Variants in PCDHA2 observed in about 807,000 individuals in gnomAD.
PCDHA2 encodes the protein protocadherin alpha-2.
In PCDHA2, 58 loss-of-function variants were observed where a neutral mutation model predicts 66.0. That is an observed-to-expected ratio of 0.88 (90% CI 0.71 to 1.09). The LOEUF (loss-of-function observed/expected upper bound fraction) is 1.09, where lower values mean the gene tolerates loss of function less well. Ranked by LOEUF, PCDHA2 falls within the 50% of genes least tolerant of loss-of-function variation. PCDHA2 has a pLI of 0.00. For synonymous variants in PCDHA2, 634 were observed against 554.0 expected (o/e 1.14, Z -2.03); for missense variants, 1,267 against 1,242.3 (o/e 1.02, Z -0.30).
chr5:140,939,182 C>T (rs2092333864), intron 1 of PCDHA2, among the ~76,000 whole-genome samples: 1 of 152,146 alleles, frequency 6.6e-6, no homozygotes, highest in African/African-American at 2.4e-5. Context: ...GGCCCACTCC[C>T]TGGTTCATAA....
At chr5:140,927,564 G>T (rs868927450) in intron 1 of PCDHA2, 1 of 1,614,150 alleles carries the variant, frequency 6.2e-7, no homozygotes. Context: ...TCATTGTGGT[G>T]GACACAAATG....
chr5:140,884,423 AC>A, intron 1 of PCDHA2: 3 of 1,613,932 alleles, frequency 1.9e-6, no homozygotes, highest in Non-Finnish European at 2.5e-6. Flanking sequence ...GCTGCTGTAT[AC>A]TGCGCTGCGG....
intron 1 of PCDHA2, chr5:140,834,122 A>T: frequency 2.3e-6 from 1 of 435,094 alleles, no homozygotes. Flanking sequence ...TTGAAATAAA[A>T]CTTTTCATCT....
intron 1 of PCDHA2, chr5:140,804,746 T>A: frequency 4.7e-6 from 1 of 213,384 alleles, no homozygotes; most frequent in Non-Finnish European, 9.2e-6. Context: ...TATTTGGTTA[T>A]CTCCTCTAGC....
intron 1 of PCDHA2, chr5:140,822,462 C>T (rs1325678435): frequency 1.2e-6 from 2 of 1,613,398 alleles, no homozygotes; most frequent in East Asian, 2.2e-5. Flanking sequence ...AGTTGTTGAT[C>T]AATGTATTGG....
intron 1 of PCDHA2, chr5:140,856,935 A>C: frequency 6.3e-7 from 1 of 1,594,236 alleles, no homozygotes; most frequent in South Asian, 1.1e-5. Flanking sequence ...TGGATAAACG[A>C]AAGGACGGGA....
At chr5:140,803,013 T>G in intron 1 of PCDHA2, 1 of 1,614,030 alleles carries the variant, frequency 6.2e-7, no homozygotes, top group Non-Finnish European at 8.5e-7. Context: ...CTACAACGCG[T>G]GGCTTTCGTA....
Position 140,961,969 on chromosome 5 carries a change from C to A in PCDHA2, c.2389-16980C>A, listed in dbSNP as rs188846719. ...CATGATCTCGGCTCACTGCAACCTCCGCCTCCTGGGTTCACGCCATTGTCC... is the reference window on the plus strand; with the variant it reads ...CATGATCTCGGCTCACTGCAACCTCAGCCTCCTGGGTTCACGCCATTGTCC... On this transcript the variant is annotated intron_variant, in intron 1 of 3. Transcript: ENST00000526136. 8.7e-4 allele frequency among the ~76,000 whole-genome samples: 132 copies of A among 151,904 alleles called. 1 individual carries two copies. Among genetic ancestry groups the A allele is most frequent in the African/African-American group, 3.0e-3 (126 of 41,408 alleles).
At chr5:140,846,552 T>G (rs1445405487) in intron 1 of PCDHA2, among the ~76,000 whole-genome samples, 2 of 148,312 alleles carry the variant, frequency 1.3e-5, no homozygotes, top group African/African-American at 4.9e-5. Context: ...TTTTTTGTAT[T>G]TTTAGTAGAG....
At position 140,982,508 on chromosome 5, in the gene PCDHA2, G is replaced by A. The variant is rs1586930589; in HGVS notation, c.2481G>A (p.Arg827=). The change falls in exon 3 of 4, where the codon CGG becomes CGA. Residue 827 remains arginine, a synonymous_variant. Transcript: ENST00000526136. The part of the protein sequence containing the change: ...SVHLEEAGIL[R]AGPGGPDQQW... The stretch of plus-strand genomic sequence containing the variant: ...ACCTAGAGGAGGCTGGCATTCTACG[G>A]GCTGGTCCAGGAGGGCCTGATCAGC... The A allele has an allele frequency of 6.2e-7, 1 of 1,614,154 alleles. No individual in the cohort carries two copies. Among genetic ancestry groups the A allele is most frequent in the Non-Finnish European group, 8.5e-7 (1 of 1,180,018 alleles).
chr5:140,843,088 C>G lies in PCDHA2; in HGVS notation c.2388+45736C>G, dbSNP rs1554139726. On this transcript the variant is annotated intron_variant, in intron 1 of 3. Coordinates refer to ENST00000526136, the MANE Select transcript of PCDHA2 (RefSeq NM_018905.3). Reference sequence around the variant, plus strand: ...TGCCGCGGTCTGTGGGCGCGGGCCACGTGGTAGCGAAGGTGCGCGCAGTGG... The same window carrying G: ...TGCCGCGGTCTGTGGGCGCGGGCCAGGTGGTAGCGAAGGTGCGCGCAGTGG... The G allele has an allele frequency of 7.5e-6, 12 of 1,595,530 alleles. 2 individuals carry two copies. Among genetic ancestry groups the G allele is most frequent in the African/African-American group, 6.7e-5 (5 of 74,528 alleles).
chr5:140,848,526 G>T lies in PCDHA2; in HGVS notation c.2388+51174G>T. 1.9e-6 allele frequency: 3 copies of T among 1,594,384 alleles called. No individual in the cohort carries two copies. Among genetic ancestry groups the T allele is most frequent in the Non-Finnish European group, 2.6e-6 (3 of 1,164,792 alleles). ...ATACTCAAGTCGAGGAGATCCAGAGGGTCAGCCTCTACTGCTCTCGCTTCT... is the reference window on the plus strand; with the variant it reads ...ATACTCAAGTCGAGGAGATCCAGAGTGTCAGCCTCTACTGCTCTCGCTTCT... On this transcript the variant is annotated intron_variant, in intron 1 of 3. Coordinates refer to ENST00000526136, the MANE Select transcript of PCDHA2 (RefSeq NM_018905.3).
chr5:140,878,856 G>T (rs1210501065), intron 1 of PCDHA2, among the ~76,000 whole-genome samples: 1 of 152,168 alleles, frequency 6.6e-6, no homozygotes, highest in Admixed American at 6.5e-5. Flanking sequence ...GGGTTCAACT[G>T]ATCCTCCATT....
At chr5:140,858,133 C>A in intron 1 of PCDHA2, 2 of 1,597,688 alleles carry the variant, frequency 1.3e-6, no homozygotes, top group Non-Finnish European at 1.7e-6. Context: ...TGGATGTCAA[C>A]GTGTACCTGA....
chr5:140,848,630 G>A (rs143400939), intron 1 of PCDHA2: 3 of 1,593,262 alleles, frequency 1.9e-6, no homozygotes, highest in African/African-American at 2.7e-5. Context: ...GCACCTTCGT[G>A]GGCCGCATCG....
intron 1 of PCDHA2, among the ~76,000 whole-genome samples, chr5:140,947,307 T>C (rs1329729103): frequency 6.6e-6 from 1 of 151,660 alleles, no homozygotes; most frequent in African/African-American, 2.4e-5. Context: ...GACATCTTTG[T>C]AAAAAGTCGG....
chr5:140,826,207 A>T (rs1165318551), intron 1 of PCDHA2, among the ~76,000 whole-genome samples: 2 of 152,254 alleles, frequency 1.3e-5, no homozygotes, highest in Admixed American at 6.5e-5. Flanking sequence ...GTCACATTTT[A>T]AAAAATCAAG....
chr5:140,883,184 G>T (rs1341554668), intron 1 of PCDHA2: 10 of 1,613,756 alleles, frequency 6.2e-6, no homozygotes, highest in Non-Finnish European at 8.5e-6. Flanking sequence ...TAGGACAAAA[G>T]GCAAACTAGA....
chr5:140,826,724 C>A (rs144963704), intron 1 of PCDHA2, among the ~76,000 whole-genome samples: 1 of 152,130 alleles, frequency 6.6e-6, no homozygotes, highest in Non-Finnish European at 1.5e-5. Flanking sequence ...AGAGGAAGAG[C>A]AAGTGGTCTA....
Sources: gnomAD v4.1 joint callset for allele counts (sites outside exome capture counted in the v4.1 genomes callset) on GRCh38, gnomAD v4.1.1 for gene constraint, MANE v1.5 for transcripts, NCBI Gene and HGNC (gene_info 2026-07-23, HGNC 2026-07-21) for gene names.